INPP5D: variants seen among roughly 807,000 people sequenced by gnomAD.
The protein encoded by INPP5D is phosphatidylinositol 3,4,5-trisphosphate 5-phosphatase 1.
INPP5D carries 33 observed loss-of-function variants against 122.9 expected under a neutral mutation model. That is an observed-to-expected ratio of 0.27 (90% CI 0.20 to 0.36). INPP5D has a LOEUF of 0.36. INPP5D is among the 10% of genes least tolerant of loss of function. The probability of loss-of-function intolerance (pLI) is 1.00; values close to 1 mark genes in which losing one functional copy is unlikely to be tolerated. For missense variants in INPP5D, 1,053 were observed against 1,412.7 expected, an observed-to-expected ratio of 0.75 and a Z score of 4.08; for synonymous variants, 584 against 576.2, an observed-to-expected ratio of 1.01 and a Z score of -0.19.
intron 2 of INPP5D, among the ~76,000 whole-genome samples, chr2:233,099,445 AGGAACCAACAG>A (rs949378673): frequency 1.1e-4 from 17 of 152,356 alleles, no homozygotes; most frequent in African/African-American, 4.1e-4. Context: ...GAATGAAAGG[AGGAACCAACAG>A]CACAGACGCC....
intron 10 of INPP5D, among the ~76,000 whole-genome samples, chr2:233,159,440 A>G (rs1256245967): frequency 2.0e-5 from 3 of 152,116 alleles, no homozygotes; most frequent in African/African-American, 7.2e-5. Context: ...CCTTATGCCC[A>G]TAATCCCAGC....
chr2:233,160,650 C>T lies in INPP5D; in HGVS notation c.1138-1074C>T, dbSNP rs1694175693. ...TTTCTTTTTCTGTTTCTTTTCTTTT[C>T]TGAGACAGGGTCTTGTTCAGTTGCC... On this transcript the variant is annotated intron_variant, in intron 10 of 26. Transcript: ENST00000445964. This position sits in a 1 kb window ranked among gnomAD's most constrained non-coding sequence, Gnocchi z 4.2. Among the ~76,000 whole-genome samples, 1 of 151,540 alleles carries T rather than the reference C, an allele frequency of 6.6e-6. No individual in the cohort carries two copies. Among genetic ancestry groups the T allele is most frequent in the Non-Finnish European group, 1.5e-5 (1 of 67,922 alleles).
chr2:233,195,709 G>A (rs917323549), intron 24 of INPP5D, among the ~76,000 whole-genome samples: 1 of 152,104 alleles, frequency 6.6e-6, no homozygotes, highest in Admixed American at 6.6e-5. Context: ...GTTCATGCCT[G>A]TAATCGCAGC....
chr2:233,079,399 G>A lies in INPP5D; in HGVS notation c.198+1G>A, dbSNP rs747576958. 1.3e-6 allele frequency: 2 copies of A among 1,580,302 alleles called. No individual in the cohort carries two copies. Among genetic ancestry groups the A allele is most frequent in the Admixed American group, 3.3e-5 (2 of 59,972 alleles). On this transcript the variant is annotated splice_donor_variant, in intron 2 of 26. Transcript: ENST00000445964. LOFTEE classifies it high-confidence loss of function. ...TGAAGATGATAAATTCACTGTTCAG[G>A]TGAGTCCTTTATAAACCTAGAAATC...
chr2:233,132,954 T>A (rs537674286), intron 5 of INPP5D, among the ~76,000 whole-genome samples: 1 of 148,856 alleles, frequency 6.7e-6, no homozygotes, highest in South Asian at 2.1e-4. Flanking sequence ...CGTGGTGAGA[T>A]CTCAGCTCAC....
At chr2:233,130,723 C>CTGCCTCTGCCTGGCTGAACAAA in intron 5 of INPP5D, 75 bp downstream of exon 5, 2 of 1,472,256 alleles carry the variant, frequency 1.4e-6, no homozygotes, top group Non-Finnish European at 1.9e-6. Context: ...AGAGCGACCT[C>CTGCCTCTGCCTGGCTGAACAAA]TGCCTCTGCC....
chr2:233,063,463 C>T (rs1453075688), intron 1 of INPP5D, among the ~76,000 whole-genome samples: 1 of 152,190 alleles, frequency 6.6e-6, no homozygotes, highest in Non-Finnish European at 1.5e-5. Context: ...CAGGGAGGGG[C>T]CTTTGTGCTC....
Position 233,128,611 on chromosome 2 carries a change from G to A in INPP5D, c.525-1897G>A, listed in dbSNP as rs550918706. 2.6e-5 allele frequency among the ~76,000 whole-genome samples: 4 copies of A among 152,214 alleles called. No individual in the cohort carries two copies. In the South Asian group the frequency reaches 8.3e-4, roughly 32 times the overall value. On this transcript the variant is annotated intron_variant, in intron 4 of 26. Transcript: ENST00000445964. The surrounding 1 kb of genome is among the most constrained non-coding windows in gnomAD (Gnocchi z 4.5). Reference sequence around the variant, plus strand: ...TCCCGCCTCAGCCTCCTGAGTAGCTGGGACTACAAACGCACGCCACCACGC... The same window carrying A: ...TCCCGCCTCAGCCTCCTGAGTAGCTAGGACTACAAACGCACGCCACCACGC...
intron 2 of INPP5D, among the ~76,000 whole-genome samples, chr2:233,085,321 G>T (rs1175456834): frequency 1.3e-5 from 2 of 151,948 alleles, no homozygotes; most frequent in Non-Finnish European, 2.9e-5. Flanking sequence ...GAGAGGCAGA[G>T]GCTGCAGCGA....
At chr2:233,073,004 C>T (rs1691420908) in intron 1 of INPP5D, among the ~76,000 whole-genome samples, 2 of 152,196 alleles carry the variant, frequency 1.3e-5, no homozygotes, top group Admixed American at 6.5e-5. Context: ...CTAGGAGACT[C>T]CAGAGGTGGA....
At chr2:233,066,474 A>T (rs1691230312) in intron 1 of INPP5D, among the ~76,000 whole-genome samples, 1 of 152,212 alleles carries the variant, frequency 6.6e-6, no homozygotes, top group South Asian at 2.1e-4. Flanking sequence ...CAAAATGCTA[A>T]CCTTCCTGTG....
Position 233,184,403 on chromosome 2 carries a change from TC to T in INPP5D, c.2162-3del. ...GAACTGAATCCGTGTTCTCCCCTGT[TC>T]CAGGTCCCGGGACTGTTGACAGCCA... On this transcript the variant is annotated splice_polypyrimidine_tract_variant and splice_region_variant and intron_variant, in intron 19 of 26. Transcript: ENST00000445964. 1 of 1,613,826 alleles carries T rather than the reference TC, an allele frequency of 6.2e-7. No homozygotes were observed. Among genetic ancestry groups the T allele is most frequent in the East Asian group, 2.2e-5 (1 of 44,874 alleles).
At chr2:233,157,633 T>G (rs181556507) in intron 9 of INPP5D, among the ~76,000 whole-genome samples, 12 of 143,292 alleles carry the variant, frequency 8.4e-5, no homozygotes, top group Non-Finnish European at 1.7e-4. Flanking sequence ...GGGAGTCAAG[T>G]TGGGGGAGCA....
chr2:233,068,009 G>C (rs1441102553), intron 1 of INPP5D, among the ~76,000 whole-genome samples: 2 of 152,126 alleles, frequency 1.3e-5, no homozygotes, highest in African/African-American at 4.8e-5. Context: ...GCTGGTGCTG[G>C]GCAAGGTGGC....
chr2:233,150,838 A>C (rs1196978268), intron 9 of INPP5D, among the ~76,000 whole-genome samples: 1 of 152,122 alleles, frequency 6.6e-6, no homozygotes, highest in Non-Finnish European at 1.5e-5. Context: ...AGGAGACTTC[A>C]CACCACCGAG....
At chr2:233,126,290 T>C (rs970803242) in intron 4 of INPP5D, among the ~76,000 whole-genome samples, 4 of 152,210 alleles carry the variant, frequency 2.6e-5, no homozygotes, top group African/African-American at 9.6e-5. Flanking sequence ...AAACGCTCCA[T>C]TGCCCCCCAA....
intron 2 of INPP5D, among the ~76,000 whole-genome samples, chr2:233,091,244 C>T (rs192336444): frequency 1.2e-3 from 188 of 152,304 alleles, no homozygotes; most frequent in Non-Finnish European, 1.7e-3. Flanking sequence ...GTCCCATAGC[C>T]GCTCCTTATA....
chr2:233,163,184 G>A (rs145830771), intron 11 of INPP5D, among the ~76,000 whole-genome samples: 1,646 of 152,328 alleles, frequency 0.011, 15 homozygotes, highest in Non-Finnish European at 0.017. Context: ...TCTTGATTGA[G>A]CTTCTTCAAC....
rs1694106143 is a variant in INPP5D at position 233,158,227 on chromosome 2, T to C, written c.1031-86T>C. 3.7e-5 allele frequency: 23 copies of C among 620,758 alleles called. No homozygotes were observed. The South Asian group carries it at 4.1e-4, about 11-fold the overall frequency. 38.5% of individuals were successfully genotyped at this position (620,758 alleles called of 1,614,324 possible). On this transcript the variant is annotated intron_variant, in intron 9 of 26. Coordinates refer to ENST00000445964, the MANE Select transcript of INPP5D (RefSeq NM_001017915.3). ...GGCTCAGCTTGGGGACGGGAGTTGA[T>C]AGTCAGGTGCCTGGAACATAATGGA...
Sources: gnomAD v4.1 joint callset for allele counts (sites outside exome capture counted in the v4.1 genomes callset) on GRCh38, gnomAD v4.1.1 for gene constraint, Gnocchi (gnomAD v3.1) non-coding constraint, MANE v1.5 for transcripts, NCBI Gene and HGNC (gene_info 2026-07-23, HGNC 2026-07-21) for gene names.